ERLEC1: variants seen among roughly 807,000 people sequenced by gnomAD.
ERLEC1 encodes the protein ER lectin.
Under a neutral mutation model 68.0 loss-of-function variants are expected in ERLEC1, and 47 were observed. The observed-to-expected ratio is 0.69, with a 90% confidence interval of 0.55 to 0.88. ERLEC1 has a LOEUF of 0.88. ERLEC1 is among the 40% of genes least tolerant of loss of function. The probability of loss-of-function intolerance (pLI) is 0.00; values close to 1 mark genes in which losing one functional copy is unlikely to be tolerated. For synonymous variants in ERLEC1, 225 were observed against 203.2 expected (o/e 1.11, Z -0.91); for missense variants, 567 against 583.8 (o/e 0.97, Z 0.30).
chr2:53,795,063 T>A (rs1205580302), intron 2 of ERLEC1, among the ~76,000 whole-genome samples: 2 of 152,228 alleles, frequency 1.3e-5, no homozygotes, highest in African/African-American at 4.8e-5. Flanking sequence ...TGTGACTTTT[T>A]AAATAAATGA....
At chr2:53,806,446 T>A (rs1446620899) in intron 8 of ERLEC1, among the ~76,000 whole-genome samples, 2 of 152,208 alleles carry the variant, frequency 1.3e-5, no homozygotes, top group African/African-American at 4.8e-5. Flanking sequence ...ATTAGTTTAG[T>A]CTGTTAGACC....
At chr2:53,816,978 T>C (rs972940085) in intron 13 of ERLEC1, among the ~76,000 whole-genome samples, 1 of 152,184 alleles carries the variant, frequency 6.6e-6, no homozygotes, top group Non-Finnish European at 1.5e-5. Flanking sequence ...TCCCACTTTT[T>C]TTCCTTTGTT....
At chr2:53,800,580 G>A (rs1675951636) in intron 6 of ERLEC1, among the ~76,000 whole-genome samples, 1 of 152,098 alleles carries the variant, frequency 6.6e-6, no homozygotes, top group African/African-American at 2.4e-5. Flanking sequence ...CGGACATAGT[G>A]CTGATAGGGT....
At chr2:53,787,963 T>TA (rs1041965906) in intron 1 of ERLEC1, among the ~76,000 whole-genome samples, 34 of 152,340 alleles carry the variant, frequency 2.2e-4, no homozygotes, top group African/African-American at 7.9e-4. Flanking sequence ...TTTCATGTAT[T>TA]ACGACTGTTA....
chr2:53,792,884 C>T (rs1675485441), intron 1 of ERLEC1, among the ~76,000 whole-genome samples: 2 of 152,004 alleles, frequency 1.3e-5, no homozygotes, highest in African/African-American at 2.4e-5. Context: ...GTGGCATGTA[C>T]CTGTAGTCCC....
chr2:53,787,304 C>G lies in ERLEC1; in HGVS notation c.94C>G (p.Arg32Gly). The G allele has an allele frequency of 6.2e-7, 1 of 1,610,586 alleles. No individual in the cohort carries two copies. The highest frequency in any genetic ancestry group is 8.5e-7 in the Non-Finnish European group (1 of 1,179,968). The change falls in exon 1 of 14, where the codon CGA becomes GGA. Residue 32 changes from arginine to glycine, a missense_variant. By Grantham distance (125) the Arg-to-Gly change is moderately radical. Coordinates refer to ENST00000185150, the MANE Select transcript of ERLEC1 (RefSeq NM_015701.5). The stretch of plus-strand genomic sequence containing the variant: ...CCTCCTGGAGGCGTCCGGCGGCGGC[C>G]GAGCCCTTCCTCAACTCAGCGATGA... ...CGLLEASGGG[R>G]ALPQLSDDIP...
intron 5 of ERLEC1, among the ~76,000 whole-genome samples, chr2:53,798,051 C>T (rs191748371): frequency 7.9e-5 from 12 of 151,892 alleles, no homozygotes; most frequent in Admixed American, 2.0e-4. Flanking sequence ...AAAAATTAGC[C>T]GGGCGTGGTG....
chr2:53,805,304 G>A (rs541592184), intron 8 of ERLEC1, among the ~76,000 whole-genome samples: 1 of 152,150 alleles, frequency 6.6e-6, no homozygotes, highest in East Asian at 1.9e-4. Flanking sequence ...TTACAGACAT[G>A]AGCCACCGCA....
intron 5 of ERLEC1, among the ~76,000 whole-genome samples, chr2:53,798,775 A>T (rs974644651): frequency 2.4e-4 from 36 of 151,900 alleles, no homozygotes; most frequent in African/African-American, 8.2e-4. Flanking sequence ...TTAATATTAA[A>T]TTTTTCACTG....
At chr2:53,814,522 T>G in intron 11 of ERLEC1, 21 bp from the exon 12 acceptor site, 1 of 1,583,924 alleles carries the variant, frequency 6.3e-7, no homozygotes, top group South Asian at 1.1e-5. Flanking sequence ...TTAATAAAAC[T>G]TGTGTGTTTC....
chr2:53,817,889 C>A lies in ERLEC1; in HGVS notation c.1381-9C>A. 6.3e-7 allele frequency: 1 copy of A among 1,592,706 alleles called. No homozygotes were observed. The highest frequency in any genetic ancestry group is 8.6e-7 in the Non-Finnish European group (1 of 1,161,402). On this transcript the variant is annotated splice_polypyrimidine_tract_variant and intron_variant, in intron 13 of 13. Coordinates refer to ENST00000185150, the MANE Select transcript of ERLEC1 (RefSeq NM_015701.5). The stretch of plus-strand genomic sequence containing the variant: ...GCAACTTTTTAATGGCTTTGTTGTT[C>A]TTCTTTAGGTTGAATCTCCAGTGAT...
At chr2:53,804,214 A>G (rs957090124) in intron 8 of ERLEC1, among the ~76,000 whole-genome samples, 3 of 152,086 alleles carry the variant, frequency 2.0e-5, no homozygotes, top group Admixed American at 1.3e-4. Flanking sequence ...AGGTGTATAT[A>G]TTTATGGAGT....
At chr2:53,811,701 A>C (rs1319697243) in intron 10 of ERLEC1, among the ~76,000 whole-genome samples, 1 of 152,222 alleles carries the variant, frequency 6.6e-6, no homozygotes, top group Non-Finnish European at 1.5e-5. Context: ...GCCTAAAGTC[A>C]AATAGGTAGT....
chr2:53,803,871 A>G (rs1279637777), intron 8 of ERLEC1, among the ~76,000 whole-genome samples: 3 of 152,346 alleles, frequency 2.0e-5, no homozygotes, highest in South Asian at 2.1e-4. Flanking sequence ...GCCCACGCCT[A>G]TAATTCCAGC....
intron 6 of ERLEC1, 130 bp downstream of exon 6, chr2:53,799,211 G>A: frequency 1.4e-6 from 1 of 731,188 alleles, no homozygotes; most frequent in Non-Finnish European, 2.2e-6. Context: ...TGAAGGACTG[G>A]GTCAAAGAAT....
At chr2:53,796,889 CT>C (rs958244464) in intron 3 of ERLEC1, among the ~76,000 whole-genome samples, 210 of 117,232 alleles carry the variant, frequency 1.8e-3, no homozygotes, top group African/African-American at 5.3e-3. Flanking sequence ...TTTTCTTTTT[CT>C]TTTTTTTTTT....
In ERLEC1 at chr2:53,812,960, T is replaced by TCCACA. The variant is rs1376544222; in HGVS notation, c.1113_1114insCCACA (p.Gly372ProfsTer54). The TCCACA allele has an allele frequency of 3.4e-5, 55 of 1,609,656 alleles. No individual in the cohort carries two copies. The highest frequency in any genetic ancestry group is 4.7e-5 in the Non-Finnish European group (55 of 1,179,142). ...TTTTCCCATATTAGGACAAGGATAG[T>TCCACA]GGGAAAACCTCTGTGGTTGTCGGGA... On this transcript the variant is annotated frameshift_variant, in exon 11 of 14. Transcript: ENST00000185150. LOFTEE classifies it high-confidence loss of function.
At chr2:53,797,839 T>C in intron 5 of ERLEC1, 44 bp downstream of exon 5, 1 of 1,494,176 alleles carries the variant, frequency 6.7e-7, no homozygotes, top group Non-Finnish European at 9.2e-7. Context: ...TGGAATTTGG[T>C]TTAAAATATA....
intron 1 of ERLEC1, among the ~76,000 whole-genome samples, chr2:53,792,151 A>G (rs1031559912): frequency 2.0e-5 from 3 of 150,696 alleles, no homozygotes; most frequent in Non-Finnish European, 4.4e-5. Flanking sequence ...CCTGCCCTCT[A>G]TCTGATCCGC....
Sources: allele counts gnomAD v4.1 joint callset (sites outside exome capture counted in the v4.1 genomes callset), GRCh38; gene constraint gnomAD v4.1.1; transcripts MANE v1.5; gene names NCBI Gene and HGNC (gene_info 2026-07-23, HGNC 2026-07-21).